DIPK2B: variants seen among roughly 807,000 people sequenced by gnomAD.
DIPK2B encodes the protein divergent protein kinase domain 2B.
Under a neutral mutation model 22.2 loss-of-function variants are expected in DIPK2B, and 15 were observed. The observed-to-expected ratio is 0.68, with a 90% CI of 0.45 to 1.04. The LOEUF (loss-of-function observed/expected upper bound fraction) is 1.04, where lower values mean the gene tolerates loss of function less well. DIPK2B is among the 50% of genes least tolerant of loss of function. The probability of loss-of-function intolerance (pLI) is 0.00; values close to 1 mark genes in which losing one functional copy is unlikely to be tolerated. For synonymous variants in DIPK2B, 163 were observed against 153.2 expected, an observed-to-expected ratio of 1.06 and a Z score of -0.47; for missense variants, 345 against 348.3, an observed-to-expected ratio of 0.99 and a Z score of 0.08.
intron 2 of DIPK2B, among the ~76,000 whole-genome samples, chrX:45,161,513 G>A (rs922949346): frequency 2.7e-5 from 3 of 112,537 alleles, no homozygotes; most frequent in African/African-American, 9.7e-5. Context: ...CTGTACTGCG[G>A]CCTGGGCAAC....
intron 2 of DIPK2B, among the ~76,000 whole-genome samples, chrX:45,172,346 G>A (rs2047087868): frequency 9.0e-6 from 1 of 111,660 alleles, no homozygotes; most frequent in South Asian, 3.8e-4. Flanking sequence ...ACCACACAGT[G>A]TCATGCATGG....
intron 2 of DIPK2B, among the ~76,000 whole-genome samples, chrX:45,176,182 C>G (rs2047117113): frequency 9.0e-6 from 1 of 110,742 alleles, no homozygotes; most frequent in Admixed American, 9.6e-5. Context: ...AATTTTTTCA[C>G]CACTGGGCTA....
intron 4 of DIPK2B, 149 bp from the exon 5 acceptor site, chrX:45,152,141 T>C: frequency 3.9e-6 from 2 of 517,968 alleles, no homozygotes; most frequent in Non-Finnish European, 6.3e-6. Context: ...GCAGATCACT[T>C]GAGGTCAGGA....
chrX:45,184,005 A>G (rs913472619), intron 2 of DIPK2B, among the ~76,000 whole-genome samples: 1 of 111,897 alleles, frequency 8.9e-6, no homozygotes, highest in Non-Finnish European at 1.9e-5. Flanking sequence ...AATGGATTTA[A>G]TATAAGAAGA....
At chrX:45,192,280 C>G (rs1218721782) in intron 1 of DIPK2B, among the ~76,000 whole-genome samples, 2 of 111,988 alleles carry the variant, frequency 1.8e-5, no homozygotes, top group East Asian at 5.6e-4. Flanking sequence ...CTAGCCATAG[C>G]TCTCTGAACT....
At chrX:45,191,690 ATCTC>A (rs1234598961) in intron 2 of DIPK2B, 57 bp downstream of exon 2, 12 of 1,077,078 alleles carry the variant, frequency 1.1e-5, no homozygotes, top group South Asian at 1.0e-4. Flanking sequence ...ATGGGAATGA[ATCTC>A]TCTCTCTCTT....
intron 4 of DIPK2B, among the ~76,000 whole-genome samples, chrX:45,152,431 G>C (rs1376855265): frequency 9.0e-6 from 1 of 111,152 alleles, no homozygotes; most frequent in Non-Finnish European, 1.9e-5. Context: ...TTAGGACTCA[G>C]GGACACAGTG....
chrX:45,200,584 A>T lies in DIPK2B; in HGVS notation c.233+10T>A. Reference sequence around the variant, plus strand: ...TTTGTGATTCAGAGTTATTTGATTGATATTCTGACCTTATTTCTTCTTTAA... The same window carrying T: ...TTTGTGATTCAGAGTTATTTGATTGTTATTCTGACCTTATTTCTTCTTTAA... On this transcript the variant is annotated intron_variant, in intron 1 of 4. Transcript: ENST00000398000. The T allele has an allele frequency of 8.4e-7, 1 of 1,189,142 alleles. No homozygotes were observed. Among genetic ancestry groups the T allele is most frequent in the African/African-American group, 1.7e-5 (1 of 57,492 alleles).
At chrX:45,184,124 G>A (rs1484173112) in intron 2 of DIPK2B, among the ~76,000 whole-genome samples, 3 of 111,404 alleles carry the variant, frequency 2.7e-5, no homozygotes, top group African/African-American at 9.8e-5. Flanking sequence ...TGAGAGGAAT[G>A]CCGAGATGAA....
chrX:45,162,507 G>C (rs1374621188), intron 2 of DIPK2B: 5 of 754,123 alleles, frequency 6.6e-6, no homozygotes, highest in Non-Finnish European at 6.3e-6. Context: ...GTCTACTTCT[G>C]TTTGGCATGT....
At chrX:45,183,899 A>G (rs12837802) in intron 2 of DIPK2B, among the ~76,000 whole-genome samples, 21,698 of 111,502 alleles carry the variant, frequency 0.19, 2,215 homozygotes, top group Non-Finnish European at 0.31. Context: ...GGACTAAGAC[A>G]TAGATAAAAA....
intron 2 of DIPK2B, among the ~76,000 whole-genome samples, chrX:45,168,058 T>C (rs1455827697): frequency 8.9e-6 from 1 of 112,895 alleles, no homozygotes; most frequent in Non-Finnish European, 1.9e-5. Flanking sequence ...GTCATGTTTA[T>C]AAGGCAAAGC....
chrX:45,199,149 C>T, intron 1 of DIPK2B, among the ~76,000 whole-genome samples: 1 of 112,407 alleles, frequency 8.9e-6, no homozygotes, highest in Non-Finnish European at 1.9e-5. Context: ...GAAAAGTCCA[C>T]ACCAACTCCA....
intron 2 of DIPK2B, among the ~76,000 whole-genome samples, chrX:45,168,956 C>G (rs1380975675): frequency 1.8e-5 from 2 of 112,095 alleles, no homozygotes; most frequent in East Asian, 2.8e-4. Context: ...TGTCACTTAA[C>G]GATGGCATGA....
chrX:45,175,779 CAAAT>C (rs1428164550), intron 2 of DIPK2B, among the ~76,000 whole-genome samples: 2 of 102,745 alleles, frequency 1.9e-5, no homozygotes, highest in African/African-American at 7.1e-5. Context: ...TTAATAATAA[CAAAT>C]AAAAGTAAAA....
At position 45,179,361 on chromosome X, in the gene DIPK2B, A is replaced by G. The variant is rs1325512289; in HGVS notation, c.498+12390T>C. Reference sequence around the variant, plus strand: ...CATTACAGTTAAAATTTGGCATACAATAAAAAATTACCCAATTAAAAATTA... The same window carrying G: ...CATTACAGTTAAAATTTGGCATACAGTAAAAAATTACCCAATTAAAAATTA... On this transcript the variant is annotated intron_variant, in intron 2 of 4. Coordinates refer to ENST00000398000, the MANE Select transcript of DIPK2B (RefSeq NM_176819.4). Among the ~76,000 whole-genome samples the G allele has an allele frequency of 3.6e-5, 4 of 111,251 alleles. No homozygotes were observed. In the East Asian group the frequency reaches 1.1e-3, roughly 31 times the overall value.
chrX:45,173,283 GA>G (rs983124828), intron 2 of DIPK2B, among the ~76,000 whole-genome samples: 1 of 111,024 alleles, frequency 9.0e-6, no homozygotes, highest in Admixed American at 9.6e-5. Context: ...TAACTGCCCT[GA>G]GTCTATATTT....
At chrX:45,195,386 C>CAAG (rs1458447013) in intron 1 of DIPK2B, among the ~76,000 whole-genome samples, 1 of 111,636 alleles carries the variant, frequency 9.0e-6, no homozygotes, top group African/African-American at 3.3e-5. Flanking sequence ...CCAATCCCCC[C>CAAG]AAGTCCCTCA....
chrX:45,158,602 TC>T (rs1569544443), intron 2 of DIPK2B, among the ~76,000 whole-genome samples: 1 of 110,065 alleles, frequency 9.1e-6, no homozygotes, highest in Non-Finnish European at 1.9e-5. Context: ...TACACCTTTT[TC>T]CCCATGCTGA....
Sources: gnomAD v4.1 joint callset for allele counts (sites outside exome capture counted in the v4.1 genomes callset) on GRCh38, gnomAD v4.1.1 for gene constraint, MANE v1.5 for transcripts, NCBI Gene and HGNC (gene_info 2026-07-23, HGNC 2026-07-21) for gene names.